Variants in TRAPPC9 observed in about 807,000 individuals in gnomAD.
TRAPPC9 encodes the protein trafficking protein particle complex subunit 9, also known as IKK2 binding protein.
Under a neutral mutation model 124.0 loss-of-function variants are expected in TRAPPC9, and 83 were observed. The observed-to-expected ratio is 0.67, with a 90% CI of 0.56 to 0.80. TRAPPC9 has a LOEUF of 0.80. Ranked by LOEUF, TRAPPC9 falls within the 30% of genes least tolerant of loss-of-function variation. The pLI, the probability that TRAPPC9 is intolerant of heterozygous loss-of-function variation, is 0.00. For synonymous variants in TRAPPC9, 638 were observed against 617.5 expected (o/e 1.03, Z -0.49); for missense variants, 1,302 against 1,508.3 (o/e 0.86, Z 2.27).
intron 19 of TRAPPC9, among the ~76,000 whole-genome samples, chr8:139,966,813 A>C (rs1340478780): frequency 6.6e-6 from 1 of 152,230 alleles, no homozygotes; most frequent in Non-Finnish European, 1.5e-5. Context: ...GGCAGGTTTC[A>C]GATGGTCATT....
intron 17 of TRAPPC9, among the ~76,000 whole-genome samples, chr8:140,026,146 T>C (rs1472406793): frequency 1.3e-5 from 2 of 152,238 alleles, no homozygotes; most frequent in African/African-American, 4.8e-5. Flanking sequence ...CATCATGTCC[T>C]CGAGAATCAA....
intron 17 of TRAPPC9, among the ~76,000 whole-genome samples, chr8:140,150,997 CA>C (rs1366674080): frequency 2.0e-5 from 3 of 152,152 alleles, no homozygotes; most frequent in African/African-American, 7.2e-5. Flanking sequence ...TACACAGAAC[CA>C]AAACCAGCAA....
chr8:139,872,336 ATAGATGCGTAGGCTGG>A (rs1828979688), intron 21 of TRAPPC9, among the ~76,000 whole-genome samples: 25 of 99,702 alleles, frequency 2.5e-4, no homozygotes, highest in Admixed American at 7.4e-4. Context: ...GAGTGGATGG[ATAGATGCGTAGGCTGG>A]TGGATGGGTT....
intron 19 of TRAPPC9, chr8:139,932,900 G>C: frequency 6.1e-6 from 1 of 162,770 alleles, no homozygotes; most frequent in Non-Finnish European, 1.2e-5. Context: ...CACAGCATAA[G>C]CTGGTAAAAA....
chr8:140,315,426 A>G (rs927007383), intron 9 of TRAPPC9, among the ~76,000 whole-genome samples: 35 of 152,088 alleles, frequency 2.3e-4, no homozygotes, highest in Non-Finnish European at 1.8e-4. Context: ...AAGGTTATAA[A>G]GATTATAAAA....
chr8:139,968,317 G>A (rs551938926), intron 19 of TRAPPC9, among the ~76,000 whole-genome samples: 1 of 152,278 alleles, frequency 6.6e-6, no homozygotes, highest in East Asian at 1.9e-4. Context: ...GTGTCCCCAT[G>A]TCTCCAGCAA....
intron 17 of TRAPPC9, among the ~76,000 whole-genome samples, chr8:140,131,564 G>A (rs954807655): frequency 1.3e-5 from 2 of 152,168 alleles, no homozygotes; most frequent in South Asian, 2.1e-4. Flanking sequence ...CAAGGGGTGC[G>A]GCTCTGTGGT....
intron 8 of TRAPPC9, among the ~76,000 whole-genome samples, chr8:140,366,380 T>C (rs990971338): frequency 6.6e-6 from 1 of 152,088 alleles, no homozygotes; most frequent in Non-Finnish European, 1.5e-5. Context: ...AAAGAACAAA[T>C]AGGTTAATGG....
chr8:139,753,794 A>G (rs1819520049), intron 21 of TRAPPC9, among the ~76,000 whole-genome samples: 1 of 152,220 alleles, frequency 6.6e-6, no homozygotes, highest in Admixed American at 6.5e-5. Context: ...CGAGGATGAA[A>G]GGACTTCTAT....
intron 7 of TRAPPC9, among the ~76,000 whole-genome samples, chr8:140,391,983 G>A (rs1048642484): frequency 6.6e-6 from 1 of 151,486 alleles, no homozygotes; most frequent in African/African-American, 2.4e-5. Flanking sequence ...CTGAGATCGC[G>A]CCACTGCACT....
intron 17 of TRAPPC9, among the ~76,000 whole-genome samples, chr8:140,038,296 C>T (rs1034729562): frequency 6.6e-6 from 1 of 152,222 alleles, no homozygotes; most frequent in African/African-American, 2.4e-5. Context: ...TCTGCTCACC[C>T]GTGCTCCACG....
chr8:140,268,032 G>A (rs1372925949), intron 15 of TRAPPC9, among the ~76,000 whole-genome samples: 1 of 151,770 alleles, frequency 6.6e-6, no homozygotes, highest in Non-Finnish European at 1.5e-5. Flanking sequence ...GAATCATATG[G>A]GAACCCAAAG....
At chr8:140,159,935 C>A (rs532017264) in intron 17 of TRAPPC9, among the ~76,000 whole-genome samples, 1 of 152,100 alleles carries the variant, frequency 6.6e-6, no homozygotes, top group Non-Finnish European at 1.5e-5. Context: ...GAATCTACAA[C>A]GAACTTAAAC....
At chr8:139,868,747 C>A (rs578051680) in intron 21 of TRAPPC9, among the ~76,000 whole-genome samples, 1 of 152,080 alleles carries the variant, frequency 6.6e-6, no homozygotes, top group Non-Finnish European at 1.5e-5. Context: ...ATATTTATTG[C>A]GCATGTAATA....
At chr8:140,055,477 C>A (rs778432261) in intron 17 of TRAPPC9, among the ~76,000 whole-genome samples, 13 of 152,218 alleles carry the variant, frequency 8.5e-5, no homozygotes, top group Non-Finnish European at 1.6e-4. Context: ...AGGATGACCA[C>A]TCTTGCCACT....
At position 139,728,676 on chromosome 8, in the gene TRAPPC9, A is replaced by T. The variant is rs376121315; in HGVS notation, c.*2385T>A. Among the ~76,000 whole-genome samples, 3 of 152,176 alleles carry T rather than the reference A, an allele frequency of 2.0e-5. No individual in the cohort carries two copies. In the East Asian group the frequency reaches 5.8e-4, roughly 29 times the overall value. ...ACTCCAGGTCACCTTCTCTACTGGG[A>T]CAGAAAGGGTGCCCTGGGGGTGGGG... On this transcript the variant is annotated 3_prime_UTR_variant, in exon 23 of 23. Coordinates refer to ENST00000438773, the MANE Select transcript of TRAPPC9 (RefSeq NM_001160372.4).
Position 140,438,246 on chromosome 8 carries a change from GA to G in TRAPPC9, c.730+805del, listed in dbSNP as rs576943975. Among the ~76,000 whole-genome samples, 56 of 152,200 alleles carry G rather than the reference GA, an allele frequency of 3.7e-4. 1 individual carries two copies. The highest frequency in any genetic ancestry group is 1.3e-3 in the African/African-American group (56 of 41,526). On this transcript the variant is annotated intron_variant, in intron 3 of 22. Coordinates refer to ENST00000438773, the MANE Select transcript of TRAPPC9 (RefSeq NM_001160372.4). ...CTATTCTAGCCACTTCATATATATA[GA>G]ATCATACAATCTGCGGCCTTTTTCA...
At chr8:140,174,018 T>G (rs1041857208) in intron 17 of TRAPPC9, among the ~76,000 whole-genome samples, 1 of 152,136 alleles carries the variant, frequency 6.6e-6, no homozygotes, top group Non-Finnish European at 1.5e-5. Context: ...GCCTGAGCCA[T>G]GGTAGCCATT....
chr8:140,229,817 C>A (rs910086732), intron 16 of TRAPPC9, among the ~76,000 whole-genome samples: 2 of 152,078 alleles, frequency 1.3e-5, no homozygotes, highest in Non-Finnish European at 2.9e-5. Context: ...CTTGGCCTCC[C>A]AAAGTGCTGG....
Sources: gnomAD v4.1 joint callset for allele counts (sites outside exome capture counted in the v4.1 genomes callset) on GRCh38, gnomAD v4.1.1 for gene constraint, MANE v1.5 for transcripts, NCBI Gene and HGNC (gene_info 2026-07-23, HGNC 2026-07-21) for gene names.